The following DCAF8L2 variants were observed in gnomAD, a reference collection of about 807,000 sequenced individuals.
The protein encoded by DCAF8L2 is DDB1 and CUL4 associated factor 8 like 2.
For missense variants in DCAF8L2, 430 were observed against 490.7 expected (o/e 0.88, Z 1.17); for synonymous variants, 200 against 190.9 (o/e 1.05, Z -0.39).
the DCAF8L2 span, among the ~76,000 whole-genome samples, chrX:27,528,476 GTATATA>G: frequency 5.8e-4 from 48 of 83,453 alleles, no homozygotes; most frequent in African/African-American, 1.5e-3. Flanking sequence ...ATGTGTATGT[GTATATA>G]TATATATATA....
upstream of DCAF8L2, among the ~76,000 whole-genome samples, chrX:27,588,516 T>G (rs1418713418): frequency 9.0e-6 from 1 of 111,608 alleles, no homozygotes; most frequent in Non-Finnish European, 1.9e-5. Flanking sequence ...GATTGCTTGG[T>G]TGAATGGCAG....
chrX:27,495,958 T>C, the DCAF8L2 span, among the ~76,000 whole-genome samples: 2 of 111,774 alleles, frequency 1.8e-5, no homozygotes, highest in East Asian at 5.6e-4. Context: ...GTCATTTGCA[T>C]AATAGCTTTT....
chrX:27,484,317 T>C, the DCAF8L2 span, among the ~76,000 whole-genome samples: 2 of 111,902 alleles, frequency 1.8e-5, no homozygotes, highest in East Asian at 5.6e-4. Context: ...TCAGATTAAA[T>C]TCAAATCCTT....
the DCAF8L2 span, among the ~76,000 whole-genome samples, chrX:27,504,552 G>A: frequency 3.6e-5 from 4 of 110,968 alleles, no homozygotes; most frequent in Admixed American, 1.9e-4. Flanking sequence ...ACAAAATAAG[G>A]GAAACATTTG....
chrX:27,573,866 T>TCTC, the DCAF8L2 span, among the ~76,000 whole-genome samples: 1 of 104,905 alleles, frequency 9.5e-6, no homozygotes, highest in African/African-American at 3.6e-5. Flanking sequence ...TCTCTCTCTC[T>TCTC]TTTTTTTTTT....
chrX:27,699,331 T>C (rs1931042341), intron 3 of DCAF8L2, among the ~76,000 whole-genome samples: 1 of 111,832 alleles, frequency 8.9e-6, no homozygotes, highest in Non-Finnish European at 1.9e-5. Context: ...TGTTGTCTCA[T>C]TCGAAGTATA....
At chrX:27,738,710 G>T (rs772447970) in intron 4 of DCAF8L2, among the ~76,000 whole-genome samples, 1 of 111,851 alleles carries the variant, frequency 8.9e-6, no homozygotes, top group Non-Finnish European at 1.9e-5. Context: ...GGCCTGATCT[G>T]CTTCCAGGCA....
chrX:27,715,725 G>T (rs1402689715), intron 3 of DCAF8L2, among the ~76,000 whole-genome samples: 2 of 111,784 alleles, frequency 1.8e-5, no homozygotes, highest in African/African-American at 6.5e-5. Context: ...AAAAGAGCTT[G>T]GGGGCATCAC....
chrX:27,494,354 C>T, the DCAF8L2 span, among the ~76,000 whole-genome samples: 3 of 110,632 alleles, frequency 2.7e-5, no homozygotes, highest in South Asian at 3.9e-4. Flanking sequence ...TGCGGTGAGC[C>T]GAGATTGAGC....
intron 3 of DCAF8L2, among the ~76,000 whole-genome samples, chrX:27,701,040 T>G (rs1931111529): frequency 9.0e-6 from 1 of 111,295 alleles, no homozygotes; most frequent in Admixed American, 9.6e-5. Flanking sequence ...TATTCTCAAT[T>G]TCTCATCCTG....
chrX:27,738,436 C>G (rs911019970), intron 4 of DCAF8L2, among the ~76,000 whole-genome samples: 56 of 111,132 alleles, frequency 5.0e-4, no homozygotes, highest in African/African-American at 1.7e-3. Flanking sequence ...TTGCCATTTC[C>G]ATCTTCTTCC....
the DCAF8L2 span, among the ~76,000 whole-genome samples, chrX:27,585,257 A>G: frequency 9.0e-6 from 1 of 110,953 alleles, no homozygotes; most frequent in Non-Finnish European, 1.9e-5. Context: ...TTTTAGTCCT[A>G]ATCTTACTTG....
the DCAF8L2 span, chrX:27,519,505 A>G: frequency 3.3e-6 from 3 of 899,982 alleles, no homozygotes; most frequent in East Asian, 6.2e-5. Context: ...AGCTTTTGCA[A>G]CCCAGGAAGA....
chrX:27,490,843 C>A, the DCAF8L2 span, among the ~76,000 whole-genome samples: 1 of 111,154 alleles, frequency 9.0e-6, no homozygotes, highest in Non-Finnish European at 1.9e-5. Context: ...AAGCAACTTC[C>A]ACCCTCCCAC....
chrX:27,641,896 AT>A (rs1008721234), intron 2 of DCAF8L2, among the ~76,000 whole-genome samples: 24 of 103,917 alleles, frequency 2.3e-4, no homozygotes, highest in Non-Finnish European at 3.2e-4. Context: ...CTTTTTTTAA[AT>A]TTTTTTTTTG....
intron 3 of DCAF8L2, among the ~76,000 whole-genome samples, chrX:27,679,521 T>C (rs1930251944): frequency 9.0e-6 from 1 of 111,015 alleles, no homozygotes; most frequent in African/African-American, 3.3e-5. Flanking sequence ...ATACCAGATT[T>C]TATGGCTAGG....
At chrX:27,513,232 A>G in the DCAF8L2 span, among the ~76,000 whole-genome samples, 1 of 112,221 alleles carries the variant, frequency 8.9e-6, no homozygotes, top group Non-Finnish European at 1.9e-5. Context: ...CTAATGCAAA[A>G]ATAGACAAAT....
intron 1 of DCAF8L2, among the ~76,000 whole-genome samples, chrX:27,596,974 C>A (rs1048408569): frequency 3.6e-5 from 4 of 110,825 alleles, no homozygotes; most frequent in South Asian, 7.5e-4. Context: ...TATTTGTTTT[C>A]TGTTGTTATT....
intron 3 of DCAF8L2, among the ~76,000 whole-genome samples, chrX:27,699,008 T>G (rs1369533786): frequency 8.9e-6 from 1 of 112,011 alleles, no homozygotes; most frequent in Non-Finnish European, 1.9e-5. Flanking sequence ...GGCTCTGGTC[T>G]GGGGACTAGG....
Sources: allele counts gnomAD v4.1 joint callset (sites outside exome capture counted in the v4.1 genomes callset), GRCh38; gene constraint gnomAD v4.1.1; transcripts MANE v1.5; gene names NCBI Gene and HGNC (gene_info 2026-07-23, HGNC 2026-07-21).